Variants in DIPK1A observed in about 807,000 individuals in gnomAD.
The protein encoded by DIPK1A is family with sequence similarity 69 member A.
Under a neutral mutation model 40.8 loss-of-function variants are expected in DIPK1A, and 27 were observed. The observed-to-expected ratio is 0.66, with a 90% confidence interval of 0.49 to 0.91. The LOEUF is 0.91. Among genes scored for constraint, DIPK1A ranks in the 40% least tolerant of loss-of-function variants. The pLI is 0.00. For missense variants in DIPK1A, 412 were observed against 505.7 expected (o/e 0.81, Z 1.78); for synonymous variants, 166 against 171.3 (o/e 0.97, Z 0.24).
At chr1:92,881,186 A>AG (rs1648358327) in intron 1 of DIPK1A, among the ~76,000 whole-genome samples, 1 of 150,784 alleles carries the variant, frequency 6.6e-6, no homozygotes, top group Non-Finnish European at 1.5e-5. Context: ...AAAAAAAAAA[A>AG]AAAAAAAAAA....
At chr1:92,932,106 G>A in intron 1 of DIPK1A, 1 of 345,722 alleles carries the variant, frequency 2.9e-6, no homozygotes, top group Non-Finnish European at 6.0e-6. Context: ...TACCAGGGTG[G>A]TAAAGAATCT....
At chr1:92,929,176 T>C (rs1650644175) in intron 1 of DIPK1A, among the ~76,000 whole-genome samples, 1 of 152,234 alleles carries the variant, frequency 6.6e-6, no homozygotes, top group Non-Finnish European at 1.5e-5. Flanking sequence ...TTCCTGTTTC[T>C]TCACATGTGT....
rs1329850419 is a variant in DIPK1A, at chr1:92,843,897, T to C, written c.773A>G (p.Asp258Gly). 1 of 1,551,778 alleles carries C rather than the reference T, an allele frequency of 6.4e-7. No homozygotes were observed. The highest frequency in any genetic ancestry group is 2.4e-5 in the East Asian group (1 of 40,928). Residue 258 changes from aspartate to glycine, a missense_variant, in exon 5 of 5, where the codon GAT (aspartate) becomes GGT (glycine). Physicochemically the swap from Asp to Gly is moderately conservative, Grantham distance 94. Coordinates refer to ENST00000370310, the MANE Select transcript of DIPK1A (RefSeq NM_001006605.5). ...FIPSGFRRSM[D>G]QLFTPSWPRK... ...TGGCCATGATGGTGTGAACAGCTGA[T>C]CCATGCTTCTTCTGAACCCAGATGG...
chr1:92,847,144 C>A (rs1687666914), intron 4 of DIPK1A, 39 bp downstream of exon 4: 1 of 1,351,740 alleles, frequency 7.4e-7, no homozygotes, highest in Admixed American at 2.6e-5. Context: ...TCTAAAGAGT[C>A]CCACTTCACA....
At chr1:92,936,724 G>A (rs944841959) in intron 1 of DIPK1A, among the ~76,000 whole-genome samples, 5 of 152,038 alleles carry the variant, frequency 3.3e-5, no homozygotes, top group Non-Finnish European at 7.4e-5. Flanking sequence ...CAAGTACCAC[G>A]CAGCACTATC....
In DIPK1A at chr1:92,889,655, T is replaced by A. The variant is rs61800562; in HGVS notation, c.55-13225A>T. On this transcript the variant is annotated intron_variant, in intron 1 of 4. Coordinates refer to ENST00000370310, the MANE Select transcript of DIPK1A (RefSeq NM_001006605.5). ...ATGAGATATCTTTCCTTTTTTTTTT[T>A]AAATCAACAATTGACAGGGTATCAC... Among the ~76,000 whole-genome samples the A allele has an allele frequency of 7.2e-5, 11 of 152,042 alleles. No homozygotes were observed. The South Asian group carries it at 1.0e-3, about 14-fold the overall frequency.
chr1:92,869,686 T>A (rs764426127), intron 2 of DIPK1A, among the ~76,000 whole-genome samples: 16 of 152,190 alleles, frequency 1.1e-4, no homozygotes, highest in Non-Finnish European at 2.1e-4. Flanking sequence ...CAGGATATTG[T>A]AATCCTTTGA....
At chr1:92,890,375 G>A (rs1167121357) in intron 1 of DIPK1A, among the ~76,000 whole-genome samples, 3 of 152,088 alleles carry the variant, frequency 2.0e-5, no homozygotes, top group Non-Finnish European at 4.4e-5. Flanking sequence ...GGTGAAAGTG[G>A]GCATCCTGGT....
Position 92,843,425 on chromosome 1 carries a change from T to G in DIPK1A, c.1245A>C (p.Lys415Asn). ...MEHSLILNNL[K>N]TLLWKKISYT... ...AGGAAATTTTCTTCCACAATAATGT[T>G]TTTAGGTTATTTAGTATCAAAGAAT... The change falls in exon 5 of 5, where the codon AAA (lysine) becomes AAC (asparagine). Residue 415 changes from lysine (K) to asparagine (N), a missense_variant. By Grantham distance (94) the Lys-to-Asn change is moderately conservative (BLOSUM62 0). Coordinates refer to ENST00000370310, the MANE Select transcript of DIPK1A (RefSeq NM_001006605.5). 6.5e-7 allele frequency: 1 copy of G among 1,549,600 alleles called. No homozygotes were observed. The highest frequency in any genetic ancestry group is 8.7e-7 in the Non-Finnish European group (1 of 1,146,242).
intron 1 of DIPK1A, among the ~76,000 whole-genome samples, chr1:92,941,989 C>G (rs950491937): frequency 1.1e-5 from 1 of 88,198 alleles, no homozygotes; most frequent in Non-Finnish European, 2.4e-5. Context: ...GACTCTGTCT[C>G]AAAAAAAAAA....
chr1:92,956,688 T>A (rs1000800184), intron 1 of DIPK1A, among the ~76,000 whole-genome samples: 1 of 152,190 alleles, frequency 6.6e-6, no homozygotes, highest in African/African-American at 2.4e-5. Context: ...CATTAACTCA[T>A]AAGGAACCAA....
chr1:92,833,616 T>C (rs1233574565), intron 4 of DIPK1A: 1 of 1,612,380 alleles, frequency 6.2e-7, no homozygotes, highest in Non-Finnish European at 8.5e-7. Context: ...CACACCCAAA[T>C]ACAGGATGAT....
At chr1:92,939,064 C>A (rs1452740673) in intron 1 of DIPK1A, among the ~76,000 whole-genome samples, 1 of 152,102 alleles carries the variant, frequency 6.6e-6, no homozygotes. Flanking sequence ...CCACGCCTGG[C>A]TAATTTTTCG....
At chr1:92,896,253 T>C (rs984769352) in intron 1 of DIPK1A, among the ~76,000 whole-genome samples, 4 of 152,160 alleles carry the variant, frequency 2.6e-5, no homozygotes, top group Non-Finnish European at 5.9e-5. Context: ...GACTTCAAAC[T>C]ATACTACAAG....
chr1:92,918,351 G>T (rs902176416), intron 1 of DIPK1A, among the ~76,000 whole-genome samples: 12 of 152,062 alleles, frequency 7.9e-5, no homozygotes, highest in Admixed American at 7.9e-4. Context: ...GTTTCATTAC[G>T]TTGGCCAGGC....
At chr1:92,917,875 G>A (rs896094619) in intron 1 of DIPK1A, among the ~76,000 whole-genome samples, 3 of 152,160 alleles carry the variant, frequency 2.0e-5, no homozygotes, top group African/African-American at 7.2e-5. Context: ...TAGTCCCTGT[G>A]TAGTATGGAC....
At chr1:92,837,018 C>A in intron 4 of DIPK1A, 1 of 265,104 alleles carries the variant, frequency 3.8e-6, no homozygotes, top group African/African-American at 2.2e-5. Flanking sequence ...TGAAATTTTG[C>A]TTTTATGATG....
intron 1 of DIPK1A, among the ~76,000 whole-genome samples, chr1:92,959,935 T>C (rs1392283156): frequency 8.1e-6 from 1 of 123,426 alleles, no homozygotes; most frequent in Non-Finnish European, 1.8e-5. Context: ...TTTGTATTTT[T>C]AGTAGAGGCG....
chr1:92,834,774 T>C (rs1687050092), intron 4 of DIPK1A: 1 of 1,612,864 alleles, frequency 6.2e-7, no homozygotes, highest in Non-Finnish European at 8.5e-7. Flanking sequence ...TCTCTCTTAC[T>C]ATAGATTGCT....
Sources: gnomAD v4.1 joint callset for allele counts (sites outside exome capture counted in the v4.1 genomes callset) on GRCh38, gnomAD v4.1.1 for gene constraint, MANE v1.5 for transcripts, NCBI Gene and HGNC (gene_info 2026-07-23, HGNC 2026-07-21) for gene names.